The following OR6N2 variants were observed in gnomAD, a reference collection of about 807,000 sequenced individuals.
The protein encoded by OR6N2 is olfactory receptor 6N2.
For synonymous variants in OR6N2, 160 were observed against 138.3 expected, an observed-to-expected ratio of 1.16 and a Z score of -1.10; for missense variants, 399 against 379.7, an observed-to-expected ratio of 1.05 and a Z score of -0.42.
In OR6N2 at chr1:158,776,928, C is replaced by T. The variant is rs758352199; in HGVS notation, c.708G>A (p.Lys236=). 1.2e-6 allele frequency: 2 copies of T among 1,613,838 alleles called. No individual in the cohort carries two copies. The highest frequency in any genetic ancestry group is 2.2e-5 in the South Asian group (2 of 91,054). ...LKIKTASGRK[K]AFSTCASHLA... Reference sequence around the variant, plus strand: ...GATGTGAGGCACAGGTAGAAAAGGCCTTCTTTCTTCCTGATGCTGTTTTTA... The same window carrying T: ...GATGTGAGGCACAGGTAGAAAAGGCTTTCTTTCTTCCTGATGCTGTTTTTA... The change falls in exon 2 of 2, where the codon AAG becomes AAA. Residue 236 remains lysine (K), a synonymous_variant. Coordinates refer to ENST00000641131, the MANE Select transcript of OR6N2 (RefSeq NM_001005278.2).
chr1:158,777,763 C>G (rs1657647419), intron 1 of OR6N2, 122 bp from the exon 2 acceptor site: 1 of 623,244 alleles, frequency 1.6e-6, no homozygotes, highest in Admixed American at 3.0e-5. Flanking sequence ...TACTGTTGCC[C>G]TCACTACTAT....
chr1:158,777,717 T>C (rs1046701123), intron 1 of OR6N2, 76 bp from the exon 2 acceptor site: 2 of 826,100 alleles, frequency 2.4e-6, no homozygotes, highest in African/African-American at 3.4e-5. Flanking sequence ...CATTTCTCTC[T>C]CTCTCTTTTT....
chr1:158,776,460 T>A lies in OR6N2; in HGVS notation c.*222A>T, dbSNP rs566104636. On this transcript the variant is annotated 3_prime_UTR_variant, in exon 2 of 2. Transcript: ENST00000641131. Reference sequence around the variant, plus strand: ...CCTAGGAAATATACATGCTTTTTTTTAAAAAAAGAAGTATGTAGATACTAA... The same window carrying A: ...CCTAGGAAATATACATGCTTTTTTTAAAAAAAAGAAGTATGTAGATACTAA... The A allele has an allele frequency of 5.1e-3, 1,978 of 386,774 alleles. 8 individuals carry two copies. Among genetic ancestry groups the A allele is most frequent in the Non-Finnish European group, 6.0e-3 (1,311 of 218,462 alleles). The allele number at this position is 386,774 out of a possible 1,614,324, so 24.0% of individuals were successfully genotyped here.
At chr1:158,777,663 G>A (rs758591677) in intron 1 of OR6N2, 22 bp from the exon 2 acceptor site, 1 of 1,433,230 alleles carries the variant, frequency 7.0e-7, no homozygotes, top group Non-Finnish European at 9.7e-7. Flanking sequence ...AAGGAAAGAA[G>A]AAAACATTGG....
In OR6N2 at chr1:158,775,661, A is replaced by G. The variant is rs1175234389; in HGVS notation, c.*1021T>C. On this transcript the variant is annotated 3_prime_UTR_variant, in exon 2 of 2. Transcript: ENST00000641131. ...GGTAGAATATTATTACATTAATCCA[A>G]TTGAGAGATGTTGGTAATTTACACC... 1 of 152,222 alleles carries G rather than the reference A, an allele frequency of 6.6e-6. No individual in the cohort carries two copies. The highest frequency in any genetic ancestry group is 2.4e-5 in the African/African-American group (1 of 41,458). 9.4% of individuals were successfully genotyped at this position (152,222 alleles called of 1,614,324 possible).
In OR6N2 at chr1:158,777,003, G is replaced by T. The variant is rs1657616266; in HGVS notation, c.633C>A (p.Phe211Leu). 1.9e-6 allele frequency: 3 copies of T among 1,614,156 alleles called. No individual in the cohort carries two copies. Among genetic ancestry groups the T allele is most frequent in the African/African-American group, 2.7e-5 (2 of 75,038 alleles). ...AINAFIILITFFFIMISYARI... is the reference protein window; with the variant it reads ...AINAFIILITLFFIMISYARI... ...TTGCATAAGAAATCATGATAAAGAA[G>T]AAAGTGATAAGAATTATGAAAGCAT... The change falls in exon 2 of 2, where the codon TTC becomes TTA. Residue 211 changes from phenylalanine (F) to leucine (L), a missense_variant. Coordinates refer to ENST00000641131, the MANE Select transcript of OR6N2 (RefSeq NM_001005278.2).
intron 1 of OR6N2, among the ~76,000 whole-genome samples, chr1:158,779,732 C>G (rs1280677451): frequency 6.6e-6 from 1 of 152,206 alleles, no homozygotes; most frequent in African/African-American, 2.4e-5. Context: ...CATCTCTCTT[C>G]TCTCCATCTG....
rs377532935 is a variant in OR6N2 at position 158,776,606 on chromosome 1, T to G, written c.*76A>C. On this transcript the variant is annotated 3_prime_UTR_variant, in exon 2 of 2. Transcript: ENST00000641131. ...GTGAAAGGAAATGAAATTCAGAGCA[T>G]GTGTGATGATGGGAAGATTACTCAA... 2.6e-6 allele frequency: 2 copies of G among 762,934 alleles called. No individual in the cohort carries two copies. Among genetic ancestry groups the G allele is most frequent in the Non-Finnish European group, 4.3e-6 (2 of 460,582 alleles). 47.3% of individuals were successfully genotyped at this position (762,934 alleles called of 1,614,324 possible). A position where few individuals can be genotyped will look rare whatever the true frequency, so the allele number is the denominator to read the frequency against.
Position 158,776,404 on chromosome 1 carries a change from A to G in OR6N2, c.*278T>C. The G allele has an allele frequency of 3.8e-6, 1 of 260,096 alleles. No homozygotes were observed. Among genetic ancestry groups the G allele is most frequent in the African/African-American group, 2.2e-5 (1 of 45,036 alleles). The allele number at this position is 260,096 out of a possible 1,614,324, so 16.1% of individuals were successfully genotyped here. On this transcript the variant is annotated 3_prime_UTR_variant, in exon 2 of 2. Transcript: ENST00000641131. The stretch of plus-strand genomic sequence containing the variant: ...TTTGATTGGAAAAAGGAACAGAGAA[A>G]TCGATCTCTAGCTGGATGGAAATGT...
At chr1:158,780,153 G>A (rs1258572198) in intron 1 of OR6N2, among the ~76,000 whole-genome samples, 1 of 152,124 alleles carries the variant, frequency 6.6e-6, no homozygotes. Context: ...CCCTAATCCT[G>A]TTGAAAGACC....
rs767540081 is a variant in OR6N2, at chr1:158,776,692, G to A, written c.944C>T (p.Ala315Val). The change falls in exon 2 of 2, where the codon GCT becomes GTT. Residue 315 changes from alanine to valine, a missense_variant. Coordinates refer to ENST00000641131, the MANE Select transcript of OR6N2 (RefSeq NM_001005278.2). ...IFQKGDKASL[A>V]HL ...GACATGGGAAGAAAGTCAAAGATGA[G>A]CAAGACTAGCTTTATCTCCCTTCTG... 1 of 1,591,564 alleles carries A rather than the reference G, an allele frequency of 6.3e-7. No individual in the cohort carries two copies. Among genetic ancestry groups the A allele is most frequent in the Non-Finnish European group, 8.6e-7 (1 of 1,165,306 alleles).
Position 158,776,605 on chromosome 1 carries a change from A to T in OR6N2, c.*77T>A. 1.3e-6 allele frequency: 1 copy of T among 756,338 alleles called. No individual in the cohort carries two copies. Among genetic ancestry groups the T allele is most frequent in the Non-Finnish European group, 2.2e-6 (1 of 454,986 alleles). 46.9% of individuals were successfully genotyped at this position (756,338 alleles called of 1,614,324 possible). ...GGTGAAAGGAAATGAAATTCAGAGC[A>T]TGTGTGATGATGGGAAGATTACTCA... On this transcript the variant is annotated 3_prime_UTR_variant, in exon 2 of 2. Coordinates refer to ENST00000641131, the MANE Select transcript of OR6N2 (RefSeq NM_001005278.2).
At chr1:158,779,898 C>A (rs1344075564) in intron 1 of OR6N2, among the ~76,000 whole-genome samples, 1 of 152,060 alleles carries the variant, frequency 6.6e-6, no homozygotes, top group Non-Finnish European at 1.5e-5. Context: ...TCTGTCTTCC[C>A]CAAAAATTGT....
intron 1 of OR6N2, among the ~76,000 whole-genome samples, chr1:158,778,850 TAAA>T (rs1657674185): frequency 6.6e-6 from 1 of 150,846 alleles, no homozygotes; most frequent in African/African-American, 2.4e-5. Flanking sequence ...CCGTCTCTAC[TAAA>T]AATACAAAAA....
At position 158,776,991 on chromosome 1, in the gene OR6N2, C is replaced by A; in HGVS notation, c.645G>T (p.Met215Ile). ...CCCCAATGATCCTTGCATAAGAAAT[C>A]ATGATAAAGAAGAAAGTGATAAGAA... is the stretch of plus-strand genomic sequence containing the variant. ...FIILITFFFI[M>I]ISYARIIGAV... The change falls in exon 2 of 2, where the codon ATG (methionine) becomes ATT (isoleucine). Residue 215 changes from methionine to isoleucine, a missense_variant. Met to Ile is a conservative substitution (Grantham distance 10). Coordinates refer to ENST00000641131, the MANE Select transcript of OR6N2 (RefSeq NM_001005278.2). The A allele has an allele frequency of 1.2e-6, 2 of 1,614,090 alleles. No homozygotes were observed. Among genetic ancestry groups the A allele is most frequent in the South Asian group, 1.1e-5 (1 of 91,066 alleles).
chr1:158,776,525 T>G lies in OR6N2; in HGVS notation c.*157A>C. 1 of 490,874 alleles carries G rather than the reference T, an allele frequency of 2.0e-6. No individual in the cohort carries two copies. Among genetic ancestry groups the G allele is most frequent in the Non-Finnish European group, 3.6e-6 (1 of 280,832 alleles). 30.4% of individuals were successfully genotyped at this position (490,874 alleles called of 1,614,324 possible). A position where few individuals can be genotyped will look rare whatever the true frequency, so the allele number is the denominator to read the frequency against. On this transcript the variant is annotated 3_prime_UTR_variant, in exon 2 of 2. Transcript: ENST00000641131. ...CTGACATAAGTGATCGAGTAAAAAATAGAAATAAAGATGTAGAAAATGAGA... is the reference window on the plus strand; with the variant it reads ...CTGACATAAGTGATCGAGTAAAAAAGAGAAATAAAGATGTAGAAAATGAGA...
In OR6N2 at chr1:158,776,906, G is replaced by C. The variant is rs756999436; in HGVS notation, c.730C>G (p.His244Asp). 2 of 1,614,120 alleles carry C rather than the reference G, an allele frequency of 1.2e-6. No individual in the cohort carries two copies. The highest frequency in any genetic ancestry group is 2.2e-5 in the South Asian group (2 of 91,064). Reference sequence around the variant, plus strand: ...AAGAAGATGAGGACCACAGCAAGATGTGAGGCACAGGTAGAAAAGGCCTTC... The same window carrying C: ...AAGAAGATGAGGACCACAGCAAGATCTGAGGCACAGGTAGAAAAGGCCTTC... The part of the protein sequence containing the change: ...RKKAFSTCAS[H>D]LAVVLIFFGS... Residue 244 changes from histidine (H) to aspartate (D), a missense_variant, in exon 2 of 2, where the codon CAT becomes GAT. His to Asp is a moderately conservative substitution (Grantham distance 81). Transcript: ENST00000641131.
intron 1 of OR6N2, among the ~76,000 whole-genome samples, chr1:158,779,219 A>G (rs1044494661): frequency 2.0e-5 from 3 of 152,152 alleles, no homozygotes; most frequent in African/African-American, 7.2e-5. Context: ...AGAAAACAAT[A>G]ACAAAAATTC....
rs891755447 is a variant in OR6N2, at chr1:158,776,851, A to G, written c.785T>C (p.Leu262Pro). 9 of 1,614,242 alleles carry G rather than the reference A, an allele frequency of 5.6e-6. No individual in the cohort carries two copies. Among genetic ancestry groups the G allele is most frequent in the Non-Finnish European group, 7.6e-6 (9 of 1,180,048 alleles). The change falls in exon 2 of 2, where the codon CTA becomes CCA. Residue 262 changes from leucine (L) to proline (P), a missense_variant. Leu to Pro is a moderately conservative substitution (Grantham distance 98, BLOSUM62 -3). Coordinates refer to ENST00000641131, the MANE Select transcript of OR6N2 (RefSeq NM_001005278.2). ...AAGGGTCAGGGAATAGCTCTTCTTT[A>G]GCCGCACATACATGAAGATGATGCT... ...FGSIIFMYVR[L>P]KKSYSLTLDR...
Sources: allele counts gnomAD v4.1 joint callset (sites outside exome capture counted in the v4.1 genomes callset), GRCh38; gene constraint gnomAD v4.1.1; transcripts MANE v1.5; gene names NCBI Gene and HGNC (gene_info 2026-07-23, HGNC 2026-07-21).